The following ASB2 variants were observed in gnomAD, a reference collection of about 807,000 sequenced individuals.
ASB2 encodes ankyrin repeat and SOCS box containing 2, also known as ankyrin repeat and SOCS box protein 2.
Under a neutral mutation model 62.4 loss-of-function variants are expected in ASB2, and 58 were observed. The observed-to-expected ratio is 0.93, with a 90% CI of 0.75 to 1.16. The LOEUF is 1.16. Ranked by LOEUF, ASB2 falls within the 50% of genes most tolerant of loss-of-function variation. The probability of loss-of-function intolerance (pLI) is 0.00; values close to 1 mark genes in which losing one functional copy is unlikely to be tolerated. For missense variants in ASB2, 928 were observed against 887.9 expected, an observed-to-expected ratio of 1.05 and a Z score of -0.57; for synonymous variants, 386 against 385.3, an observed-to-expected ratio of 1.00 and a Z score of -0.02.
intron 6 of ASB2, among the ~76,000 whole-genome samples, chr14:93,948,570 A>G (rs1024539112): frequency 4.6e-5 from 7 of 152,246 alleles, no homozygotes; most frequent in African/African-American, 1.7e-4. Flanking sequence ...TATTCCCTGC[A>G]TGCTTGCTAA....
intron 2 of ASB2, among the ~76,000 whole-genome samples, 193 bp downstream of exon 2, chr14:93,964,141 T>G (rs1049730841): frequency 2.6e-5 from 4 of 151,738 alleles, no homozygotes; most frequent in Non-Finnish European, 4.4e-5. Flanking sequence ...GGAGGCAGAG[T>G]GTGTATAGCA....
chr14:93,935,658 G>A (rs1454967419), intron 9 of ASB2, among the ~76,000 whole-genome samples: 4 of 152,192 alleles, frequency 2.6e-5, no homozygotes, highest in Non-Finnish European at 4.4e-5. Flanking sequence ...AGGCAAGGAA[G>A]TCATGCAAGC....
At chr14:93,942,157 G>A (rs1275680881) in intron 7 of ASB2, 2 of 455,430 alleles carry the variant, frequency 4.4e-6, no homozygotes, top group Non-Finnish European at 8.8e-6. Context: ...GGACAAGGGG[G>A]TGACCCCACC....
chr14:93,949,744 G>C (rs1241243718), intron 6 of ASB2, among the ~76,000 whole-genome samples: 1 of 151,990 alleles, frequency 6.6e-6, no homozygotes, highest in African/African-American at 2.4e-5. Context: ...TGGGAGACCT[G>C]GACAGATGTT....
intron 9 of ASB2, among the ~76,000 whole-genome samples, 185 bp from the exon 10 acceptor site, chr14:93,934,977 C>T (rs866861028): frequency 7.2e-5 from 11 of 152,172 alleles, no homozygotes; most frequent in Non-Finnish European, 1.5e-4. Context: ...TCCCATTGTT[C>T]ACCCCTCATT....
chr14:93,941,045 T>G (rs1490719084), intron 7 of ASB2, among the ~76,000 whole-genome samples: 1 of 152,226 alleles, frequency 6.6e-6, no homozygotes, highest in Non-Finnish European at 1.5e-5. Flanking sequence ...TTACCTTCAC[T>G]TCAGCCCTGG....
chr14:93,934,823 T>C (rs1346487368), intron 9 of ASB2, 31 bp from the exon 10 acceptor site: 6 of 1,598,534 alleles, frequency 3.8e-6, no homozygotes, highest in Admixed American at 1.7e-5. Context: ...CAGAGGCTGA[T>C]TTGTCATTTG....
At chr14:93,943,883 T>C (rs1286212106) in intron 7 of ASB2, 5 of 454,868 alleles carry the variant, frequency 1.1e-5, no homozygotes, top group African/African-American at 2.0e-5. Context: ...TTTTGCCTTA[T>C]TCTAGGAAGA....
intron 2 of ASB2, among the ~76,000 whole-genome samples, chr14:93,957,872 C>T (rs1004740279): frequency 5.9e-5 from 9 of 152,198 alleles, no homozygotes; most frequent in Middle Eastern, 3.4e-3. Context: ...CTGGCACTCT[C>T]GACACCCCAG....
intron 2 of ASB2, among the ~76,000 whole-genome samples, chr14:93,961,321 A>G (rs1889402357): frequency 6.6e-6 from 1 of 152,260 alleles, no homozygotes; most frequent in African/African-American, 2.4e-5. Context: ...GTGTAGAGGA[A>G]GAATTTGAAT....
At chr14:93,960,936 A>G (rs1182893136) in intron 2 of ASB2, among the ~76,000 whole-genome samples, 1 of 145,418 alleles carries the variant, frequency 6.9e-6, no homozygotes, top group Non-Finnish European at 1.5e-5. Context: ...CCAGGCTCTA[A>G]GCTGGGCACT....
chr14:93,934,646 G>T lies in ASB2; in HGVS notation c.*10C>A, dbSNP rs201042901. 1 of 1,613,848 alleles carries T rather than the reference G, an allele frequency of 6.2e-7. No individual in the cohort carries two copies. Among genetic ancestry groups the T allele is most frequent in the Admixed American group, 1.7e-5 (1 of 60,014 alleles). On this transcript the variant is annotated 3_prime_UTR_variant, in exon 10 of 10. Coordinates refer to ENST00000555019, the MANE Select transcript of ASB2 (RefSeq NM_001202429.2). Reference sequence around the variant, plus strand: ...TCTGAGGGGCTACTCCTCTCTCCCCGTGGCCCCAGTTACTGGGTGTTCTCG... The same window carrying T: ...TCTGAGGGGCTACTCCTCTCTCCCCTTGGCCCCAGTTACTGGGTGTTCTCG...
rs1567018044 is a variant in ASB2, at chr14:93,937,717, GGCCCA to G, written c.1747_1751del (p.Trp583ArgfsTer43). On this transcript the variant is annotated frameshift_variant, in exon 9 of 10. Transcript: ENST00000555019. LOFTEE classifies it high-confidence loss of function. ...CCCTACCTGCCTTCTCCTTGATGAC[GGCCCA>G]GTCCTCAAAGCTGTCGATGTGTTCC... is the stretch of plus-strand genomic sequence containing the variant. 6.2e-7 allele frequency: 1 copy of G among 1,608,476 alleles called. No individual in the cohort carries two copies. The highest frequency in any genetic ancestry group is 2.2e-5 in the East Asian group (1 of 44,712).
chr14:93,962,395 G>A (rs1207207716), intron 2 of ASB2, among the ~76,000 whole-genome samples: 1 of 152,184 alleles, frequency 6.6e-6, no homozygotes, highest in Admixed American at 6.5e-5. Context: ...CTTCCCAGCA[G>A]GGCCCAAGCC....
At position 93,953,632 on chromosome 14, in the gene ASB2, C is replaced by T; in HGVS notation, c.479-125G>A. ...GACATCCTCTGAAATTTACCAACTACAGACTGCATTCATCTGGCCCTTTCA... is the reference window on the plus strand; with the variant it reads ...GACATCCTCTGAAATTTACCAACTATAGACTGCATTCATCTGGCCCTTTCA... On this transcript the variant is annotated intron_variant, in intron 4 of 9. Transcript: ENST00000555019. The T allele has an allele frequency of 7.1e-6, 6 of 847,664 alleles. No individual in the cohort carries two copies. In the South Asian group the frequency reaches 1.1e-4, roughly 15 times the overall value. The allele number at this position is 847,664 out of a possible 1,614,324, so 52.5% of individuals were successfully genotyped here.
rs754637892 is a variant in ASB2, at chr14:93,939,474, G to T, written c.1251C>A (p.Phe417Leu). 2 of 1,612,144 alleles carry T rather than the reference G, an allele frequency of 1.2e-6. No homozygotes were observed. The highest frequency in any genetic ancestry group is 1.7e-6 in the Non-Finnish European group (2 of 1,179,706). The change falls in exon 8 of 10, where the codon TTC (phenylalanine) becomes TTA (leucine). Residue 417 changes from phenylalanine (F) to leucine (L), a missense_variant. By Grantham distance (22) the Phe-to-Leu change is conservative. Coordinates refer to ENST00000555019, the MANE Select transcript of ASB2 (RefSeq NM_001202429.2). ...YEDRRSSALY[F>L]AVVNNNVYAT... ...CGTACACGTTGTTGTTGACCACCGC[G>T]AAGTACAGCGCGGAGCTGCGCCGGT...
At chr14:93,938,126 T>C (rs1567018369) in intron 8 of ASB2, among the ~76,000 whole-genome samples, 1 of 151,958 alleles carries the variant, frequency 6.6e-6, no homozygotes, top group South Asian at 2.1e-4. Context: ...TTAGGTAATA[T>C]GAACATAAAC....
chr14:93,955,195 C>T (rs1743822132), intron 3 of ASB2: 1 of 456,284 alleles, frequency 2.2e-6, no homozygotes, highest in South Asian at 1.5e-5. Context: ...AGTCCCATTT[C>T]CCAGATGGAG....
intron 1 of ASB2, among the ~76,000 whole-genome samples, chr14:93,971,378 G>A (rs1221032337): frequency 3.3e-5 from 5 of 152,152 alleles, no homozygotes; most frequent in Non-Finnish European, 7.3e-5. Flanking sequence ...CTGTCCCCCT[G>A]CCCTCTCTGC....
Sources: allele counts gnomAD v4.1 joint callset (sites outside exome capture counted in the v4.1 genomes callset), GRCh38; gene constraint gnomAD v4.1.1; transcripts MANE v1.5; gene names NCBI Gene and HGNC (gene_info 2026-07-23, HGNC 2026-07-21).